The following EPHB3 variants were observed in gnomAD, a reference collection of about 807,000 sequenced individuals.
EPHB3 encodes the protein EPH receptor B3, also known as ephrin type-B receptor 3.
In EPHB3, 33 loss-of-function variants were observed where a neutral mutation model predicts 100.2. The observed-to-expected ratio is 0.33, with a 90% confidence interval of 0.25 to 0.44. EPHB3 has a LOEUF of 0.44. EPHB3 is among the 20% of genes least tolerant of loss of function. EPHB3 has a pLI of 1.00. For missense variants in EPHB3, 1,045 were observed against 1,378.3 expected (o/e 0.76, Z 3.83); for synonymous variants, 526 against 554.7 (o/e 0.95, Z 0.73).
rs1394448739 is a variant in EPHB3 at position 184,571,275 on chromosome 3, A to C, written c.119-43A>C. 3.1e-6 allele frequency: 5 copies of C among 1,607,620 alleles called. No homozygotes were observed. The highest frequency in any genetic ancestry group is 4.3e-6 in the Non-Finnish European group (5 of 1,174,564). ...ATCTGTGATCTCTTCTGTCTCCTCA[A>C]CCTGAGATTAGTCCCTGACCTTTTT... is the stretch of plus-strand genomic sequence containing the variant. On this transcript the variant is annotated intron_variant, in intron 1 of 15. Transcript: ENST00000330394. This position sits in a 1 kb window ranked among gnomAD's most constrained non-coding sequence, Gnocchi z 5.0.
At chr3:184,574,551 A>C (rs1217240403) in intron 3 of EPHB3, among the ~76,000 whole-genome samples, 1 of 152,186 alleles carries the variant, frequency 6.6e-6, no homozygotes, top group Non-Finnish European at 1.5e-5. Flanking sequence ...TGGGGCTTGC[A>C]GCCTACAGCT....
At chr3:184,564,562 C>T (rs1714337681) in intron 1 of EPHB3, among the ~76,000 whole-genome samples, 1 of 152,202 alleles carries the variant, frequency 6.6e-6, no homozygotes, top group South Asian at 2.1e-4. Context: ...ATTATTGTTA[C>T]CCTAGGGTCT....
Position 184,578,717 on chromosome 3 carries a change from C to A in EPHB3, c.1801+251C>A, listed in dbSNP as rs1714746544. Among the ~76,000 whole-genome samples the A allele has an allele frequency of 6.6e-6, 1 of 152,180 alleles. No homozygotes were observed. Among genetic ancestry groups the A allele is most frequent in the South Asian group, 2.1e-4 (1 of 4,834 alleles). On this transcript the variant is annotated intron_variant, in intron 9 of 15. Coordinates refer to ENST00000330394, the MANE Select transcript of EPHB3 (RefSeq NM_004443.4). This position sits in a 1 kb window ranked among gnomAD's most constrained non-coding sequence, Gnocchi z 4.7. Reference sequence around the variant, plus strand: ...AAGGCAGTTAGTCCTGTGGGAAAGACAAGATGCAAACACACAGGAAACAAT... The same window carrying A: ...AAGGCAGTTAGTCCTGTGGGAAAGAAAAGATGCAAACACACAGGAAACAAT...
chr3:184,578,322 C>G lies in EPHB3; in HGVS notation c.1749-92C>G. 6.3e-7 allele frequency: 1 copy of G among 1,575,060 alleles called. No individual in the cohort carries two copies. The highest frequency in any genetic ancestry group is 1.7e-5 in the Admixed American group (1 of 59,236). On this transcript the variant is annotated intron_variant, in intron 8 of 15. Coordinates refer to ENST00000330394, the MANE Select transcript of EPHB3 (RefSeq NM_004443.4). The surrounding 1 kb of genome is among the most constrained non-coding windows in gnomAD (Gnocchi z 4.7). Reference sequence around the variant, plus strand: ...TAGGCCCCAGGCCATCCCCTGTATCCTCTCCGCCCCTTCTGTGAGCCCAAG... The same window carrying G: ...TAGGCCCCAGGCCATCCCCTGTATCGTCTCCGCCCCTTCTGTGAGCCCAAG...
In EPHB3 at chr3:184,563,683, A is replaced by G. The variant is rs1714315001; in HGVS notation, c.118+1330A>G. ...ACCGAGGTCTCGCCCACACTCGCAC[A>G]CACTCACCCACATGTGTGTGATAGG... On this transcript the variant is annotated intron_variant, in intron 1 of 15. Coordinates refer to ENST00000330394, the MANE Select transcript of EPHB3 (RefSeq NM_004443.4). The surrounding 1 kb of genome is among the most constrained non-coding windows in gnomAD (Gnocchi z 4.1). 1.3e-5 allele frequency among the ~76,000 whole-genome samples: 2 copies of G among 152,166 alleles called. No individual in the cohort carries two copies. Among genetic ancestry groups the G allele is most frequent in the African/African-American group, 4.8e-5 (2 of 41,416 alleles).
rs1459740954 is a variant in EPHB3 at position 184,572,259 on chromosome 3, T to C, written c.184-245T>C. Among the ~76,000 whole-genome samples, 3 of 152,248 alleles carry C rather than the reference T, an allele frequency of 2.0e-5. No individual in the cohort carries two copies. The highest frequency in any genetic ancestry group is 4.4e-5 in the Non-Finnish European group (3 of 68,046). ...ATGCTTTATTCAGTTAAAGTCATTATTCCTTACACATCTTTATTATCCCCA... is the reference window on the plus strand; with the variant it reads ...ATGCTTTATTCAGTTAAAGTCATTACTCCTTACACATCTTTATTATCCCCA... On this transcript the variant is annotated intron_variant, in intron 2 of 15. Transcript: ENST00000330394. The surrounding 1 kb of genome is among the most constrained non-coding windows in gnomAD (Gnocchi z 6.6).
Position 184,578,636 on chromosome 3 carries a change from G to A in EPHB3, c.1801+170G>A, listed in dbSNP as rs1714744476. 6.6e-6 allele frequency among the ~76,000 whole-genome samples: 1 copy of A among 152,068 alleles called. No homozygotes were observed. The highest frequency in any genetic ancestry group is 1.5e-5 in the Non-Finnish European group (1 of 68,018). Reference sequence around the variant, plus strand: ...CCCTATCTCACTCCGGGTACCCTGGGCCCCTACTCACTCCTGCTAGCCCCA... The same window carrying A: ...CCCTATCTCACTCCGGGTACCCTGGACCCCTACTCACTCCTGCTAGCCCCA... On this transcript the variant is annotated intron_variant, in intron 9 of 15. Transcript: ENST00000330394. This position sits in a 1 kb window ranked among gnomAD's most constrained non-coding sequence, Gnocchi z 4.7.
rs1276114304 is a variant in EPHB3 at position 184,581,755 on chromosome 3, G to C, written c.*133G>C. The C allele has an allele frequency of 6.9e-6, 6 of 869,564 alleles. No homozygotes were observed. The highest frequency in any genetic ancestry group is 1.7e-5 in the African/African-American group (1 of 58,692). 53.9% of individuals were successfully genotyped at this position (869,564 alleles called of 1,614,324 possible). On this transcript the variant is annotated 3_prime_UTR_variant, in exon 16 of 16. Coordinates refer to ENST00000330394, the MANE Select transcript of EPHB3 (RefSeq NM_004443.4). ...AGCTGGAAGTTTGGGAAAGGCCCAA[G>C]CTGGGACTTCTCCAGGCCTGTGTTC...
Position 184,562,274 on chromosome 3 carries a change from G to C in EPHB3, c.39G>C (p.Pro13=), listed in dbSNP as rs1050381349. The part of the protein sequence containing the change: ...RARPPPPPSP[P]PGLLPLLPPL... ...GCCCGCCGCCGCCGCCGTCGCCGCC[G>C]CCGGGGCTTCTGCCGCTGCTCCCTC... is the stretch of plus-strand genomic sequence containing the variant. Residue 13 remains proline (P), a synonymous_variant, in exon 1 of 16, where the codon CCG becomes CCC. Coordinates refer to ENST00000330394, the MANE Select transcript of EPHB3 (RefSeq NM_004443.4). The surrounding 1 kb of genome is among the most constrained non-coding windows in gnomAD (Gnocchi z 4.8). The C allele has an allele frequency of 7.5e-6, 9 of 1,202,344 alleles. No individual in the cohort carries two copies. Among genetic ancestry groups the C allele is most frequent in the African/African-American group, 4.8e-5 (3 of 62,372 alleles). 74.5% of individuals were successfully genotyped at this position (1,202,344 alleles called of 1,614,324 possible).
Position 184,571,020 on chromosome 3 carries a change from A to G in EPHB3, c.119-298A>G, listed in dbSNP as rs1023522316. 2.0e-5 allele frequency among the ~76,000 whole-genome samples: 3 copies of G among 150,674 alleles called. No homozygotes were observed. The highest frequency in any genetic ancestry group is 2.0e-4 in the Admixed American group (3 of 15,090). On this transcript the variant is annotated intron_variant, in intron 1 of 15. Transcript: ENST00000330394. The surrounding 1 kb of genome is among the most constrained non-coding windows in gnomAD (Gnocchi z 5.0). ...GCCCAGGGTGGAGTGCAGTAGTGCA[A>G]TCTCGGCTCACTGCAACCTCCGTCT...
At chr3:184,570,607 G>A (rs1287927121) in intron 1 of EPHB3, among the ~76,000 whole-genome samples, 1 of 152,226 alleles carries the variant, frequency 6.6e-6, no homozygotes, top group Admixed American at 6.5e-5. Context: ...CCTTCCCCTG[G>A]GCCTTGTGTG....
chr3:184,563,078 A>G lies in EPHB3; in HGVS notation c.118+725A>G, dbSNP rs1714298563. Among the ~76,000 whole-genome samples the G allele has an allele frequency of 6.6e-6, 1 of 152,212 alleles. No homozygotes were observed. The highest frequency in any genetic ancestry group is 2.1e-4 in the South Asian group (1 of 4,828). On this transcript the variant is annotated intron_variant, in intron 1 of 15. Transcript: ENST00000330394. The surrounding 1 kb of genome is among the most constrained non-coding windows in gnomAD (Gnocchi z 4.1). ...TGGTGGGAAAAGGCCAGGCTTCTCAATAGGTTCTGTGAAACCTGCCAAGAC... is the reference window on the plus strand; with the variant it reads ...TGGTGGGAAAAGGCCAGGCTTCTCAGTAGGTTCTGTGAAACCTGCCAAGAC...
chr3:184,577,885 T>C lies in EPHB3; in HGVS notation c.1640-13T>C. On this transcript the variant is annotated splice_polypyrimidine_tract_variant and intron_variant, in intron 7 of 15. Transcript: ENST00000330394. This position sits in a 1 kb window ranked among gnomAD's most constrained non-coding sequence, Gnocchi z 4.9. ...TCTGTCCCTCCACTCAGCAGCCCCT[T>C]CTCTATCTCCAGGCTCTGGGGCCCA... 1 of 1,612,734 alleles carries C rather than the reference T, an allele frequency of 6.2e-7. No homozygotes were observed. The highest frequency in any genetic ancestry group is 8.5e-7 in the Non-Finnish European group (1 of 1,179,296).
At position 184,579,579 on chromosome 3, in the gene EPHB3, T is replaced by TC; in HGVS notation, c.1905dup (p.Glu636ArgfsTer55). 1 of 1,613,728 alleles carries TC rather than the reference T, an allele frequency of 6.2e-7. No homozygotes were observed. Among genetic ancestry groups the TC allele is most frequent in the Non-Finnish European group, 8.5e-7 (1 of 1,179,892 alleles). On this transcript the variant is annotated frameshift_variant, in exon 10 of 16. Transcript: ENST00000330394. LOFTEE classifies it high-confidence loss of function. This position sits in a 1 kb window ranked among gnomAD's most constrained non-coding sequence, Gnocchi z 5.2. ...GAGATCGACGTGTCCTGCGTCAAGA[T>TC]CGAGGAGGTGATCGGAGCTGGTGAG...
Position 184,562,343 on chromosome 3 carries a change from G to A in EPHB3, c.108G>A (p.Arg36=). Residue 36 remains arginine, a synonymous_variant, in exon 1 of 16, where the codon CGG becomes CGA. Transcript: ENST00000330394. This position sits in a 1 kb window ranked among gnomAD's most constrained non-coding sequence, Gnocchi z 4.8. ...LPLLLLPAGC[R]ALEETLMDTK... is the part of the protein sequence containing the mutation. ...TGCTGCTGCTGCCCGCCGGCTGCCGGGCGCTGGAAGGTGAGCGGCGTCGGG... is the reference window on the plus strand; with the variant it reads ...TGCTGCTGCTGCCCGCCGGCTGCCGAGCGCTGGAAGGTGAGCGGCGTCGGG... 8.1e-7 allele frequency: 1 copy of A among 1,234,918 alleles called. No individual in the cohort carries two copies. Among genetic ancestry groups the A allele is most frequent in the Non-Finnish European group, 1.0e-6 (1 of 990,150 alleles). 76.5% of individuals were successfully genotyped at this position (1,234,918 alleles called of 1,614,324 possible). A position where few individuals can be genotyped will look rare whatever the true frequency, so the allele number is the denominator to read the frequency against.
intron 1 of EPHB3, among the ~76,000 whole-genome samples, chr3:184,567,732 G>A (rs1714422687): frequency 6.6e-6 from 1 of 152,214 alleles, no homozygotes; most frequent in Admixed American, 6.5e-5. Flanking sequence ...ACCGAAGACT[G>A]TGTGACTTGC....
In EPHB3 at chr3:184,569,728, A is replaced by C. The variant is rs376583017; in HGVS notation, c.119-1590A>C. 1.3e-4 allele frequency among the ~76,000 whole-genome samples: 20 copies of C among 152,088 alleles called. No individual in the cohort carries two copies. The highest frequency in any genetic ancestry group is 4.8e-4 in the African/African-American group (20 of 41,484). The stretch of plus-strand genomic sequence containing the variant: ...GGCTGGGGTCACAGCTGCCTTGTCC[A>C]CCCACGGGGTCCTCCGCCGTCCTCG... On this transcript the variant is annotated intron_variant, in intron 1 of 15. Coordinates refer to ENST00000330394, the MANE Select transcript of EPHB3 (RefSeq NM_004443.4). This position sits in a 1 kb window ranked among gnomAD's most constrained non-coding sequence, Gnocchi z 5.4.
rs1386983585 is a variant in EPHB3 at position 184,562,664 on chromosome 3, G to C, written c.118+311G>C. 6.6e-6 allele frequency among the ~76,000 whole-genome samples: 1 copy of C among 152,044 alleles called. No homozygotes were observed. Among genetic ancestry groups the C allele is most frequent in the Non-Finnish European group, 1.5e-5 (1 of 67,974 alleles). On this transcript the variant is annotated intron_variant, in intron 1 of 15. Transcript: ENST00000330394. The surrounding 1 kb of genome is among the most constrained non-coding windows in gnomAD (Gnocchi z 4.8). The stretch of plus-strand genomic sequence containing the variant: ...CCCCCACACTCACGGCAGAGAAGTG[G>C]GGCTCCCGGCACCCCCCGAAGTCGA...
chr3:184,576,003 C>T lies in EPHB3; in HGVS notation c.1012+18C>T. On this transcript the variant is annotated intron_variant, in intron 4 of 15. Coordinates refer to ENST00000330394, the MANE Select transcript of EPHB3 (RefSeq NM_004443.4). ...CTGTACCAGTGAGTGAACGCGTGAC[C>T]TCTCTTTCCCTCTGCAGGCCTTCCC... 6.3e-7 allele frequency: 1 copy of T among 1,589,240 alleles called. No individual in the cohort carries two copies. The highest frequency in any genetic ancestry group is 8.6e-7 in the Non-Finnish European group (1 of 1,164,162).
Sources: allele counts gnomAD v4.1 joint callset (sites outside exome capture counted in the v4.1 genomes callset), GRCh38; gene constraint gnomAD v4.1.1; non-coding constraint Gnocchi (gnomAD v3.1); transcripts MANE v1.5; gene names NCBI Gene and HGNC (gene_info 2026-07-23, HGNC 2026-07-21).